SLC7A11: variants seen among roughly 807,000 people sequenced by gnomAD.
SLC7A11 encodes cystine/glutamate transporter.
SLC7A11 carries 35 observed loss-of-function variants against 54.5 expected under a neutral mutation model. That is an observed-to-expected ratio of 0.64 (90% CI 0.49 to 0.85). SLC7A11 has a LOEUF of 0.85. SLC7A11 is among the 40% of genes least tolerant of loss of function. SLC7A11 has a pLI of 0.00. For synonymous variants in SLC7A11, 230 were observed against 225.2 expected (o/e 1.02, Z -0.19); for missense variants, 583 against 618.1 (o/e 0.94, Z 0.60).
chr4:138,190,492 T>C (rs1382689847), intron 6 of SLC7A11, among the ~76,000 whole-genome samples: 3 of 152,148 alleles, frequency 2.0e-5, no homozygotes, highest in Non-Finnish European at 4.4e-5. Flanking sequence ...CCTTGAAAGC[T>C]TTTCTGTAGG....
In SLC7A11 at chr4:138,164,240, A is replaced by G. The variant is rs1015980425; in HGVS notation, c.*7716T>C. 1.3e-5 allele frequency: 2 copies of G among 152,308 alleles called. No individual in the cohort carries two copies. The highest frequency in any genetic ancestry group is 6.6e-5 in the Admixed American group (1 of 15,256). 9.4% of individuals were successfully genotyped at this position (152,308 alleles called of 1,614,324 possible). A position where few individuals can be genotyped will look rare whatever the true frequency, so the allele number is the denominator to read the frequency against. On this transcript the variant is annotated 3_prime_UTR_variant, in exon 12 of 12. Coordinates refer to ENST00000280612, the MANE Select transcript of SLC7A11 (RefSeq NM_014331.4). The stretch of plus-strand genomic sequence containing the variant: ...ATAAATACAACCAAAATTCAATTCA[A>G]TGCAAAGTTGAATGACATCATATTG...
chr4:138,212,267 AAAAT>A (rs1737568911), intron 6 of SLC7A11, among the ~76,000 whole-genome samples: 1 of 151,936 alleles, frequency 6.6e-6, no homozygotes, highest in South Asian at 2.1e-4. Context: ...GCTCTGAAGA[AAAAT>A]AATTGCTTGG....
intron 5 of SLC7A11, 136 bp from the exon 6 acceptor site, chr4:138,214,765 C>A (rs1045281973): frequency 3.2e-5 from 11 of 347,018 alleles, no homozygotes; most frequent in Admixed American, 4.9e-5. Context: ...AAATATCTAA[C>A]AACTAAATAC....
chr4:138,223,260 G>A lies in SLC7A11; in HGVS notation c.585C>T (p.Thr195=), dbSNP rs1172130468. 6.2e-7 allele frequency: 1 copy of A among 1,613,478 alleles called. No individual in the cohort carries two copies. Among genetic ancestry groups the A allele is most frequent in the Non-Finnish European group, 8.5e-7 (1 of 1,179,560 alleles). Residue 195 remains threonine, a synonymous_variant, in exon 4 of 12, where the codon ACC becomes ACT. Coordinates refer to ENST00000280612, the MANE Select transcript of SLC7A11 (RefSeq NM_014331.4). The part of the protein sequence containing the change: ...SWSARIQIFL[T]FCKLTAILII... ...TCAGAATTGCTGTGAGCTTGCAAAA[G>A]GTTAAGAAAATCTGGATCCGGGCGC...
intron 6 of SLC7A11, among the ~76,000 whole-genome samples, chr4:138,194,947 G>A (rs1353643701): frequency 6.6e-6 from 1 of 152,170 alleles, no homozygotes; most frequent in African/African-American, 2.4e-5. Context: ...TCATGTAACA[G>A]AGCATCCTAA....
chr4:138,189,935 T>C (rs1343455223), intron 6 of SLC7A11, among the ~76,000 whole-genome samples: 1 of 152,202 alleles, frequency 6.6e-6, no homozygotes, highest in African/African-American at 2.4e-5. Context: ...CTGAATTACA[T>C]GAGTAATTCT....
At chr4:138,218,196 G>C (rs1737724582) in intron 5 of SLC7A11, among the ~76,000 whole-genome samples, 1 of 152,046 alleles carries the variant, frequency 6.6e-6, no homozygotes, top group Non-Finnish European at 1.5e-5. Context: ...TCGGCTAGAA[G>C]GTAAGATCTT....
intron 1 of SLC7A11, among the ~76,000 whole-genome samples, chr4:138,238,595 A>T (rs1290213080): frequency 1.4e-5 from 2 of 146,816 alleles, no homozygotes; most frequent in African/African-American, 2.5e-5. Context: ...CCTAGGAATA[A>T]TTTTTTTTTT....
chr4:138,212,832 G>A (rs1486731047), intron 6 of SLC7A11, among the ~76,000 whole-genome samples: 1 of 151,834 alleles, frequency 6.6e-6, no homozygotes, highest in Non-Finnish European at 1.5e-5. Context: ...TATAATAAAT[G>A]TTATGTTATA....
rs114260546 is a variant in SLC7A11, at chr4:138,192,510, T to C, written c.792-7266A>G. The stretch of plus-strand genomic sequence containing the variant: ...TTTTGATTGTTTAAAGCCATTGAAA[T>C]TTTGTGGGTTGTCTGTTGTAACAGC... On this transcript the variant is annotated intron_variant, in intron 6 of 11. Transcript: ENST00000280612. Among the ~76,000 whole-genome samples, 533 of 152,266 alleles carry C rather than the reference T, an allele frequency of 3.5e-3. 5 individuals carry two copies. The highest frequency in any genetic ancestry group is 0.012 in the African/African-American group (489 of 41,568).
At chr4:138,225,211 T>A (rs1027365248) in intron 3 of SLC7A11, among the ~76,000 whole-genome samples, 1 of 147,366 alleles carries the variant, frequency 6.8e-6, no homozygotes, top group Non-Finnish European at 1.5e-5. Context: ...AATTACAATT[T>A]TATTTGTTGT....
rs1205602511 is a variant in SLC7A11 at position 138,190,185 on chromosome 4, G to A, written c.792-4941C>T. 2.6e-5 allele frequency among the ~76,000 whole-genome samples: 4 copies of A among 152,024 alleles called. No individual in the cohort carries two copies. The South Asian group carries it at 6.2e-4, about 24-fold the overall frequency. ...TGTGTTCTGGAGAGAAATGGTTGAT[G>A]CTTCACATTTCTATTTAAAAATTCT... On this transcript the variant is annotated intron_variant, in intron 6 of 11. Coordinates refer to ENST00000280612, the MANE Select transcript of SLC7A11 (RefSeq NM_014331.4).
chr4:138,199,164 A>C (rs1737210327), intron 6 of SLC7A11, among the ~76,000 whole-genome samples: 2 of 152,204 alleles, frequency 1.3e-5, no homozygotes, highest in South Asian at 4.1e-4. Context: ...CTCAAGCAAT[A>C]TAATGCACTA....
rs975035766 is a variant in SLC7A11, at chr4:138,171,393, A to T, written c.*563T>A. On this transcript the variant is annotated 3_prime_UTR_variant, in exon 12 of 12. Transcript: ENST00000280612. Reference sequence around the variant, plus strand: ...CAACAATCCCCACTGACCTTTGTTCAAAGTGCTCTGGGTATAATCCATTAA... The same window carrying T: ...CAACAATCCCCACTGACCTTTGTTCTAAGTGCTCTGGGTATAATCCATTAA... 1 of 152,294 alleles carries T rather than the reference A, an allele frequency of 6.6e-6. No homozygotes were observed. The highest frequency in any genetic ancestry group is 2.4e-5 in the African/African-American group (1 of 41,464). The allele number at this position is 152,294 out of a possible 1,614,324, so 9.4% of individuals were successfully genotyped here. A position where few individuals can be genotyped will look rare whatever the true frequency, so the allele number is the denominator to read the frequency against.
chr4:138,185,666 G>C (rs182762941), intron 6 of SLC7A11, among the ~76,000 whole-genome samples: 138 of 152,188 alleles, frequency 9.1e-4, no homozygotes, highest in Non-Finnish European at 1.8e-3. Flanking sequence ...TGCTGATCAG[G>C]CCACACTTTG....
intron 6 of SLC7A11, among the ~76,000 whole-genome samples, chr4:138,205,889 A>G (rs1402525061): frequency 6.6e-6 from 1 of 151,974 alleles, no homozygotes. Flanking sequence ...GGTGTACTTT[A>G]TTTAACTCTC....
chr4:138,239,971 G>A (rs1738338035), intron 1 of SLC7A11, among the ~76,000 whole-genome samples: 1 of 152,158 alleles, frequency 6.6e-6, no homozygotes, highest in Non-Finnish European at 1.5e-5. Context: ...AATCATTTAA[G>A]ATGATCAACA....
intron 5 of SLC7A11, among the ~76,000 whole-genome samples, chr4:138,215,997 A>C (rs1258218101): frequency 1.3e-5 from 2 of 152,226 alleles, no homozygotes; most frequent in Non-Finnish European, 2.9e-5. Flanking sequence ...GGCTTGGAGC[A>C]GGATGGTGAG....
rs1736263026 is a variant in SLC7A11, at chr4:138,166,476, G to C, written c.*5480C>G. ...ACGGCCTTCTGAGGCTTTAACAAGA[G>C]GTAATAAGGACTTAGCAAGCAGTTC... On this transcript the variant is annotated 3_prime_UTR_variant, in exon 12 of 12. Transcript: ENST00000280612. 2.0e-5 allele frequency: 3 copies of C among 152,448 alleles called. No homozygotes were observed. 9.4% of individuals were successfully genotyped at this position (152,448 alleles called of 1,614,324 possible).
Sources: allele counts gnomAD v4.1 joint callset (sites outside exome capture counted in the v4.1 genomes callset), GRCh38; gene constraint gnomAD v4.1.1; transcripts MANE v1.5; gene names NCBI Gene and HGNC (gene_info 2026-07-23, HGNC 2026-07-21).